The following CNTN5 variants were observed in gnomAD, a reference collection of about 807,000 sequenced individuals.
CNTN5 encodes contactin 5.
In CNTN5, 77 loss-of-function variants were observed where a neutral mutation model predicts 129.1. The ratio of observed to expected loss-of-function variants is 0.60; its 90% CI spans 0.50 to 0.72. The LOEUF (loss-of-function observed/expected upper bound fraction) is 0.72, where lower values mean the gene tolerates loss of function less well. Among genes scored for constraint, CNTN5 ranks in the 30% least tolerant of loss-of-function variants. The pLI is 0.00. For missense variants in CNTN5, 1,478 were observed against 1,328.8 expected (o/e 1.11, Z -1.75); for synonymous variants, 509 against 465.6 (o/e 1.09, Z -1.20).
chr11:99,398,494 A>G (rs2136205022), intron 2 of CNTN5, among the ~76,000 whole-genome samples: 1 of 151,960 alleles, frequency 6.6e-6, no homozygotes, highest in Admixed American at 6.6e-5. Flanking sequence ...CCAACCACCA[A>G]AAATCCTCTG....
intron 18 of CNTN5, among the ~76,000 whole-genome samples, chr11:100,289,586 A>G (rs1681897627): frequency 1.3e-5 from 2 of 152,188 alleles, no homozygotes; most frequent in South Asian, 4.1e-4. Flanking sequence ...CTCTCAATAA[A>G]TTAGGTGTTG....
chr11:99,551,770 G>A (rs1430230167), intron 2 of CNTN5, among the ~76,000 whole-genome samples: 1 of 152,094 alleles, frequency 6.6e-6, no homozygotes, highest in African/African-American at 2.4e-5. Context: ...ATAAGTATTT[G>A]TGTATCTAAA....
At chr11:99,601,814 G>C (rs1025886161) in intron 3 of CNTN5, among the ~76,000 whole-genome samples, 1 of 152,134 alleles carries the variant, frequency 6.6e-6, no homozygotes, top group Admixed American at 6.5e-5. Flanking sequence ...AGCCATAAAA[G>C]ACTGTGTATG....
At chr11:99,457,461 C>T (rs1176531492) in intron 2 of CNTN5, among the ~76,000 whole-genome samples, 1 of 151,740 alleles carries the variant, frequency 6.6e-6, no homozygotes, top group Non-Finnish European at 1.5e-5. Context: ...TTTGATGTGT[C>T]TCCTTAAGAA....
chr11:99,124,451 T>C (rs571316502), intron 1 of CNTN5, among the ~76,000 whole-genome samples: 17 of 152,130 alleles, frequency 1.1e-4, no homozygotes, highest in Non-Finnish European at 2.1e-4. Context: ...GGTTTCTGTG[T>C]GTAGAATCAT....
chr11:99,226,983 A>C (rs1248956076), intron 1 of CNTN5, among the ~76,000 whole-genome samples: 1 of 152,190 alleles, frequency 6.6e-6, no homozygotes, highest in Non-Finnish European at 1.5e-5. Flanking sequence ...ACAAATTTAA[A>C]ATAATTATCA....
At chr11:99,612,560 TA>T (rs1243225172) in intron 3 of CNTN5, among the ~76,000 whole-genome samples, 1 of 152,064 alleles carries the variant, frequency 6.6e-6, no homozygotes, top group Non-Finnish European at 1.5e-5. Flanking sequence ...TTAGTCTTTT[TA>T]AAAACTTTTG....
At chr11:99,072,897 A>T (rs1865396163) in intron 1 of CNTN5, among the ~76,000 whole-genome samples, 1 of 151,920 alleles carries the variant, frequency 6.6e-6, no homozygotes, top group Non-Finnish European at 1.5e-5. Flanking sequence ...CCTTCTTCCC[A>T]CCTCTAAAAA....
At chr11:99,937,748 G>C (rs760299493) in intron 7 of CNTN5, among the ~76,000 whole-genome samples, 10 of 152,180 alleles carry the variant, frequency 6.6e-5, no homozygotes, top group Non-Finnish European at 1.2e-4. Context: ...AAACAGGCCA[G>C]GAAGATGGGA....
chr11:99,447,784 G>A (rs1188636291), intron 2 of CNTN5, among the ~76,000 whole-genome samples: 1 of 152,142 alleles, frequency 6.6e-6, no homozygotes, highest in Admixed American at 6.5e-5. Flanking sequence ...AACTAGCTGG[G>A]TGTCGTGGTG....
chr11:100,047,331 AAGAC>A (rs1942734943), intron 9 of CNTN5, among the ~76,000 whole-genome samples: 1 of 152,176 alleles, frequency 6.6e-6, no homozygotes, highest in Non-Finnish European at 1.5e-5. Flanking sequence ...TTCTAAAATA[AAGAC>A]TATTTTTAAC....
chr11:99,779,956 G>A (rs1945255340), intron 3 of CNTN5, among the ~76,000 whole-genome samples: 1 of 151,874 alleles, frequency 6.6e-6, no homozygotes, highest in Non-Finnish European at 1.5e-5. Context: ...ATGTTCCATG[G>A]CGCAATGATC....
chr11:99,686,434 C>G (rs892132539), intron 3 of CNTN5, among the ~76,000 whole-genome samples: 1 of 151,806 alleles, frequency 6.6e-6, no homozygotes, highest in Non-Finnish European at 1.5e-5. Flanking sequence ...TATATTAGTT[C>G]TTTGATACAG....
chr11:99,141,928 T>C (rs1859534595), intron 1 of CNTN5, among the ~76,000 whole-genome samples: 1 of 152,208 alleles, frequency 6.6e-6, no homozygotes, highest in African/African-American at 2.4e-5. Context: ...TTAGAGTATT[T>C]GCCATGTACC....
At chr11:100,003,281 G>C (rs2137481947) in intron 9 of CNTN5, among the ~76,000 whole-genome samples, 1 of 152,204 alleles carries the variant, frequency 6.6e-6, no homozygotes, top group East Asian at 1.9e-4. Flanking sequence ...AATGTATCTA[G>C]GAGGTATTTG....
At chr11:100,226,399 TAAATTTAAGTGGC>T (rs1471655379) in intron 16 of CNTN5, among the ~76,000 whole-genome samples, 1 of 152,132 alleles carries the variant, frequency 6.6e-6, no homozygotes, top group African/African-American at 2.4e-5. Context: ...CTATAGGGGG[TAAATTTAAGTGGC>T]AAACTAACAT....
intron 9 of CNTN5, among the ~76,000 whole-genome samples, chr11:100,040,843 G>T (rs982151569): frequency 2.0e-5 from 3 of 152,186 alleles, no homozygotes; most frequent in African/African-American, 7.2e-5. Context: ...GTTTTAGGGT[G>T]GGAGTGATCC....
chr11:99,129,807 T>C (rs997660184), intron 1 of CNTN5, among the ~76,000 whole-genome samples: 3 of 152,196 alleles, frequency 2.0e-5, no homozygotes, highest in Non-Finnish European at 4.4e-5. Flanking sequence ...GGAGCCAATA[T>C]TCAATATCCT....
chr11:99,750,729 A>G (rs893168674), intron 3 of CNTN5, among the ~76,000 whole-genome samples: 2 of 152,212 alleles, frequency 1.3e-5, no homozygotes, highest in African/African-American at 4.8e-5. Context: ...AAGTTTGAGC[A>G]TTTATACTTA....
Sources: gnomAD v4.1 joint callset for allele counts (sites outside exome capture counted in the v4.1 genomes callset) on GRCh38, gnomAD v4.1.1 for gene constraint, MANE v1.5 for transcripts, NCBI Gene and HGNC (gene_info 2026-07-23, HGNC 2026-07-21) for gene names.